Variants in SATL1 observed in about 807,000 individuals in gnomAD.
SATL1 encodes the protein spermidine/spermine N1-acetyl transferase like 1.
Under a neutral mutation model 51.8 loss-of-function variants are expected in SATL1, and 47 were observed. That is an observed-to-expected ratio of 0.91 (90% CI 0.72 to 1.16). SATL1 has a LOEUF of 1.16. Among genes scored for constraint, SATL1 ranks in the 50% most tolerant of loss-of-function variants. SATL1 has a pLI of 0.00. For synonymous variants in SATL1, 176 were observed against 182.4 expected (o/e 0.97, Z 0.28); for missense variants, 520 against 526.4 (o/e 0.99, Z 0.12).
intron 2 of SATL1, chrX:85,210,242 C>G (rs1927885023): frequency 9.2e-6 from 1 of 108,764 alleles, no homozygotes; most frequent in Admixed American, 9.9e-5. Flanking sequence ...GACCGGATCT[C>G]AAAAATAATC....
In SATL1 at chrX:85,156,857, AT is replaced by A. The variant is rs1569238905; in HGVS notation, c.-312-47578del. 4.4e-3 allele frequency among the ~76,000 whole-genome samples: 150 copies of A among 34,152 alleles called. 1 individual carries two copies. The highest frequency in any genetic ancestry group is 1.0e-2 in the African/African-American group (119 of 11,955). The allele number at this position is 34,152 out of a possible 115,157, so 29.7% of individuals were successfully genotyped here. The stretch of plus-strand genomic sequence containing the variant: ...TATATATATATATATATATATATAT[AT>A]ATATATATATAAAATATGTAAATCT... On this transcript the variant is annotated intron_variant, in intron 2 of 7. Coordinates refer to ENST00000644105, the MANE Select transcript of SATL1 (RefSeq NM_001367857.2).
chrX:85,220,306 C>T lies in SATL1; in HGVS notation c.-313+3899G>A, dbSNP rs775964973. Reference sequence around the variant, plus strand: ...GGCCAAAGTGCTCTGGATTTCAAAGCAAACTTGATAGGCAGTCTAGGCCAC... The same window carrying T: ...GGCCAAAGTGCTCTGGATTTCAAAGTAAACTTGATAGGCAGTCTAGGCCAC... On this transcript the variant is annotated intron_variant, in intron 2 of 7. Transcript: ENST00000644105. Among the ~76,000 whole-genome samples the T allele has an allele frequency of 4.5e-5, 5 of 110,076 alleles. No homozygotes were observed. In the East Asian group the frequency reaches 1.5e-3, roughly 32 times the overall value.
chrX:85,216,650 CAGA>C (rs1276929683), intron 2 of SATL1, among the ~76,000 whole-genome samples: 2 of 111,560 alleles, frequency 1.8e-5, no homozygotes, highest in Non-Finnish European at 3.8e-5. Context: ...TCAAGGCCAG[CAGA>C]AGAATGGCTA....
chrX:85,094,134 A>G lies in SATL1; in HGVS notation c.1870T>C (p.Tyr624His). 8.8e-7 allele frequency: 1 copy of G among 1,130,224 alleles called. No homozygotes were observed. Among genetic ancestry groups the G allele is most frequent in the South Asian group, 1.9e-5 (1 of 53,910 alleles). The allele number at this position is 1,130,224 out of a possible 1,213,427, so 93.1% of individuals were successfully genotyped here. Residue 624 changes from tyrosine (Y) to histidine (H), a missense_variant, in exon 6 of 8, where the codon TAC (tyrosine) becomes CAC (histidine). Transcript: ENST00000644105. ...YLEDFYVTQA[Y>H]QGLGIGAEML... ...TCATAAATTTTAGTTTTACCTTGGT[A>G]AGCTTGTGTGACATAAAAGTCCTCT...
intron 2 of SATL1, among the ~76,000 whole-genome samples, chrX:85,145,155 T>C (rs1017742945): frequency 1.5e-4 from 17 of 112,067 alleles, no homozygotes; most frequent in African/African-American, 5.5e-4. Context: ...TCTAAATTAG[T>C]GCACATTGGG....
intron 2 of SATL1, among the ~76,000 whole-genome samples, chrX:85,186,113 T>C (rs994370530): frequency 9.1e-6 from 1 of 109,923 alleles, no homozygotes; most frequent in East Asian, 2.9e-4. Context: ...GGAAATGTCA[T>C]CCCAGAGCTG....
At chrX:85,094,104 T>C (rs1358748052) in intron 6 of SATL1, 24 bp downstream of exon 6, 4 of 811,422 alleles carry the variant, frequency 4.9e-6, no homozygotes, top group South Asian at 2.2e-5. Context: ...TATTTAAAAG[T>C]AATATCATAA....
intron 2 of SATL1, among the ~76,000 whole-genome samples, chrX:85,148,877 G>T (rs765726334): frequency 9.0e-6 from 1 of 110,890 alleles, no homozygotes. Flanking sequence ...AATTGTAAAG[G>T]CCATCGAGAC....
Position 85,201,015 on chromosome X carries a change from C to T in SATL1, c.-313+23190G>A, listed in dbSNP as rs181794702. Reference sequence around the variant, plus strand: ...ATTCTCTGTAGTTGTAAAATGTGCACCTTTAGCAGATGCGTTCACTCTTTC... The same window carrying T: ...ATTCTCTGTAGTTGTAAAATGTGCATCTTTAGCAGATGCGTTCACTCTTTC... On this transcript the variant is annotated intron_variant, in intron 2 of 7. Coordinates refer to ENST00000644105, the MANE Select transcript of SATL1 (RefSeq NM_001367857.2). Among the ~76,000 whole-genome samples, 14 of 110,850 alleles carry T rather than the reference C, an allele frequency of 1.3e-4. No individual in the cohort carries two copies. In the East Asian group the frequency reaches 4.0e-3, roughly 31 times the overall value.
intron 1 of SATL1, among the ~76,000 whole-genome samples, chrX:85,230,604 G>T (rs1361894577): frequency 8.9e-6 from 1 of 111,989 alleles, no homozygotes; most frequent in Non-Finnish European, 1.9e-5. Flanking sequence ...CACAGCAAAG[G>T]AAACAGTCCA....
intron 2 of SATL1, among the ~76,000 whole-genome samples, chrX:85,146,328 G>C (rs951260264): frequency 2.7e-5 from 3 of 111,654 alleles, no homozygotes; most frequent in Non-Finnish European, 5.6e-5. Flanking sequence ...AAATAATTAA[G>C]AGTATAATTA....
chrX:85,170,622 T>C (rs937891954), intron 2 of SATL1, among the ~76,000 whole-genome samples: 1 of 111,750 alleles, frequency 8.9e-6, no homozygotes, highest in African/African-American at 3.2e-5. Context: ...CCATGTTTCA[T>C]GGCTTGAGAA....
chrX:85,143,893 C>T (rs770093030), intron 2 of SATL1, among the ~76,000 whole-genome samples: 24 of 111,170 alleles, frequency 2.2e-4, no homozygotes, highest in Non-Finnish European at 3.0e-4. Context: ...AATTTTCAAT[C>T]GGCAATGTAT....
At chrX:85,220,625 C>T (rs1928151150) in intron 2 of SATL1, among the ~76,000 whole-genome samples, 1 of 88,119 alleles carries the variant, frequency 1.1e-5, no homozygotes, top group African/African-American at 4.3e-5. Context: ...GCCCTAGCTC[C>T]CAGGCAGCAC....
At chrX:85,208,010 A>G (rs1927824174) in intron 2 of SATL1, 1 of 111,262 alleles carries the variant, frequency 9.0e-6, no homozygotes, top group Non-Finnish European at 1.9e-5. Flanking sequence ...GCATCAACTC[A>G]TCATTTACAT....
chrX:85,144,658 G>A (rs1396320962), intron 2 of SATL1, among the ~76,000 whole-genome samples: 2 of 112,044 alleles, frequency 1.8e-5, no homozygotes. Flanking sequence ...GTTCAGATCA[G>A]GGAGGAGACA....
At chrX:85,170,494 C>G (rs1006952867) in intron 2 of SATL1, among the ~76,000 whole-genome samples, 10 of 111,471 alleles carry the variant, frequency 9.0e-5, no homozygotes, top group Non-Finnish European at 7.6e-5. Context: ...GAAAAGCAAA[C>G]AGTATGTCTT....
rs761945965 is a variant in SATL1 at position 85,110,996 on chromosome X, G to C, written c.-312-1716C>G. Among the ~76,000 whole-genome samples the C allele has an allele frequency of 7.0e-3, 792 of 112,749 alleles. 3 individuals are homozygous for C. Among genetic ancestry groups the C allele is most frequent in the South Asian group, 9.8e-3 (27 of 2,742 alleles). ...AGAGAGGTTAAGTAACTTGACATAGGTCACACAGCTAAAAGTCCAGACAAA... is the reference window on the plus strand; with the variant it reads ...AGAGAGGTTAAGTAACTTGACATAGCTCACACAGCTAAAAGTCCAGACAAA... On this transcript the variant is annotated intron_variant, in intron 2 of 7. Transcript: ENST00000644105.
rs753213054 is a variant in SATL1 at position 85,111,213 on chromosome X, GA to G, written c.-312-1934del. 4.4e-5 allele frequency among the ~76,000 whole-genome samples: 5 copies of G among 112,835 alleles called. No individual in the cohort carries two copies. The East Asian group carries it at 1.4e-3, about 31-fold the overall frequency. ...TTGATGTCTTTAATAAGTAAAGTTA[GA>G]AAAATGCAGTTTCATAATCTAGAAT... On this transcript the variant is annotated intron_variant, in intron 2 of 7. Transcript: ENST00000644105.
Sources: allele counts gnomAD v4.1 joint callset (sites outside exome capture counted in the v4.1 genomes callset), GRCh38; gene constraint gnomAD v4.1.1; transcripts MANE v1.5; gene names NCBI Gene and HGNC (gene_info 2026-07-23, HGNC 2026-07-21).